The following NRG3 variants were observed in gnomAD, a reference collection of about 807,000 sequenced individuals.
NRG3 encodes the protein neuregulin 3.
In NRG3, 31 loss-of-function variants were observed where a neutral mutation model predicts 66.9. That is an observed-to-expected ratio of 0.46 (90% CI 0.35 to 0.63). The LOEUF (loss-of-function observed/expected upper bound fraction) is 0.63, where lower values mean the gene tolerates loss of function less well. Among genes scored for constraint, NRG3 ranks in the 20% least tolerant of loss-of-function variants. The pLI, the probability that NRG3 is intolerant of heterozygous loss-of-function variation, is 0.00. For synonymous variants in NRG3, 393 were observed against 359.4 expected, an observed-to-expected ratio of 1.09 and a Z score of -1.06; for missense variants, 910 against 878.9, an observed-to-expected ratio of 1.04 and a Z score of -0.45.
intron 3 of NRG3, among the ~76,000 whole-genome samples, chr10:82,838,034 T>C (rs1163792217): frequency 6.6e-6 from 1 of 152,154 alleles, no homozygotes; most frequent in African/African-American, 2.4e-5. Context: ...GATGCTTAAT[T>C]TGAAAGAGTT....
chr10:82,194,821 C>T (rs866794897), intron 1 of NRG3, among the ~76,000 whole-genome samples: 3 of 152,050 alleles, frequency 2.0e-5, no homozygotes, highest in Admixed American at 6.5e-5. Flanking sequence ...AGGCCGCTTG[C>T]GAAAGACCTC....
chr10:82,098,443 C>T (rs2066513727), intron 1 of NRG3, among the ~76,000 whole-genome samples: 1 of 152,132 alleles, frequency 6.6e-6, no homozygotes, highest in South Asian at 2.1e-4. Context: ...AGAGCAGCAT[C>T]TTAGTGCTGC....
chr10:82,847,004 A>C (rs1487769572), intron 3 of NRG3, among the ~76,000 whole-genome samples: 2 of 152,180 alleles, frequency 1.3e-5, no homozygotes, highest in Non-Finnish European at 2.9e-5. Context: ...GAGGTGTAGG[A>C]GTCTGGGGCT....
rs60100337 is a variant in NRG3, at chr10:82,952,471, C to CTGTGTGTG, written c.1157+942_1157+949dup. 1.3e-3 allele frequency among the ~76,000 whole-genome samples: 129 copies of CTGTGTGTG among 98,846 alleles called. 4 individuals carry two copies. Among genetic ancestry groups the CTGTGTGTG allele is most frequent in the African/African-American group, 3.4e-3 (83 of 24,142 alleles). 64.8% of individuals were successfully genotyped at this position (98,846 alleles called of 152,430 possible). A position where few individuals can be genotyped will look rare whatever the true frequency, so the allele number is the denominator to read the frequency against. On this transcript the variant is annotated intron_variant, in intron 5 of 8. Coordinates refer to ENST00000372141, the MANE Select transcript of NRG3 (RefSeq NM_001010848.4). ...TATAAACGTCTCTCTCTCTCTCTCT[C>CTGTGTGTG]TGTGTGTGTGTGTGTGTGTGTGTGT...
intron 2 of NRG3, among the ~76,000 whole-genome samples, chr10:82,501,032 A>C (rs1844130703): frequency 6.6e-6 from 1 of 152,118 alleles, no homozygotes; most frequent in Non-Finnish European, 1.5e-5. Context: ...AAAATTAATA[A>C]ATTTAATTTG....
intron 1 of NRG3, among the ~76,000 whole-genome samples, chr10:82,045,760 A>G (rs865835663): frequency 0.026 from 1,178 of 44,680 alleles, 110 homozygotes; most frequent in African/African-American, 0.081. Context: ...TGTAAAGAAG[A>G]GATCCAGTTT....
rs546037182 is a variant in NRG3, at chr10:82,314,797, G to T, written c.824-43942G>T. ...TGCACTCCAGCCTGGGTGACAGAGCGAGAGTCCGTCTCAAAACAAATAAAC... is the reference window on the plus strand; with the variant it reads ...TGCACTCCAGCCTGGGTGACAGAGCTAGAGTCCGTCTCAAAACAAATAAAC... On this transcript the variant is annotated intron_variant, in intron 1 of 8. Coordinates refer to ENST00000372141, the MANE Select transcript of NRG3 (RefSeq NM_001010848.4). 3.3e-5 allele frequency among the ~76,000 whole-genome samples: 5 copies of T among 152,230 alleles called. No homozygotes were observed. The East Asian group carries it at 7.8e-4, about 24-fold the overall frequency.
chr10:82,408,233 A>C (rs909367983), intron 2 of NRG3, among the ~76,000 whole-genome samples: 2 of 152,216 alleles, frequency 1.3e-5, no homozygotes, highest in African/African-American at 4.8e-5. Flanking sequence ...CAGGTACTTA[A>C]AGTGGTCAGA....
At chr10:82,661,642 T>A (rs1412195988) in intron 2 of NRG3, among the ~76,000 whole-genome samples, 1 of 152,172 alleles carries the variant, frequency 6.6e-6, no homozygotes, top group East Asian at 1.9e-4. Flanking sequence ...TGCACGCCTG[T>A]GTGCTGTTGG....
At chr10:81,941,718 G>T (rs779516960) in intron 1 of NRG3, among the ~76,000 whole-genome samples, 1 of 152,074 alleles carries the variant, frequency 6.6e-6, no homozygotes, top group South Asian at 2.1e-4. Context: ...AGTGTTCTCC[G>T]CAGTTCTGGG....
intron 4 of NRG3, among the ~76,000 whole-genome samples, chr10:82,917,754 T>C (rs186681450): frequency 6.6e-6 from 1 of 152,112 alleles, no homozygotes; most frequent in East Asian, 1.9e-4. Context: ...GTCTTGGAGC[T>C]AGGAGCTTGG....
intron 1 of NRG3, among the ~76,000 whole-genome samples, chr10:82,192,595 C>CT (rs1270735235): frequency 6.6e-6 from 1 of 152,184 alleles, no homozygotes; most frequent in African/African-American, 2.4e-5. Context: ...AGGCACATGA[C>CT]TTTGCCATCC....
At chr10:82,134,760 A>G (rs893071138) in intron 1 of NRG3, among the ~76,000 whole-genome samples, 8 of 152,010 alleles carry the variant, frequency 5.3e-5, no homozygotes, top group African/African-American at 1.4e-4. Flanking sequence ...TTGGTTCCAT[A>G]TGAATTTTAA....
chr10:82,617,469 G>A (rs190518375), intron 2 of NRG3, among the ~76,000 whole-genome samples: 33 of 152,284 alleles, frequency 2.2e-4, no homozygotes, highest in East Asian at 7.8e-4. Context: ...GAGTTTGTGA[G>A]GAAGGGGAAG....
intron 1 of NRG3, among the ~76,000 whole-genome samples, chr10:81,919,730 G>T (rs73306508): frequency 0.015 from 2,206 of 152,074 alleles, 41 homozygotes; most frequent in African/African-American, 0.048. Flanking sequence ...CAAAACCAAG[G>T]CAAATGAAGC....
intron 1 of NRG3, among the ~76,000 whole-genome samples, chr10:82,228,668 A>G (rs528081035): frequency 4.6e-5 from 7 of 152,224 alleles, no homozygotes; most frequent in Non-Finnish European, 1.0e-4. Context: ...ATGATGATAC[A>G]GCCCCCTTTC....
chr10:82,048,601 T>A (rs2133101501), intron 1 of NRG3, among the ~76,000 whole-genome samples: 1 of 149,236 alleles, frequency 6.7e-6, no homozygotes, highest in South Asian at 2.2e-4. Context: ...TTCAAAGCAG[T>A]GTGTAGAGGG....
At chr10:82,032,982 A>G (rs1024568186) in intron 1 of NRG3, among the ~76,000 whole-genome samples, 2 of 152,116 alleles carry the variant, frequency 1.3e-5, no homozygotes, top group Non-Finnish European at 2.9e-5. Context: ...TCATGCTGAT[A>G]TAAAATGAAC....
At chr10:82,590,010 C>A (rs1046113089) in intron 2 of NRG3, among the ~76,000 whole-genome samples, 1 of 152,090 alleles carries the variant, frequency 6.6e-6, no homozygotes, top group Non-Finnish European at 1.5e-5. Flanking sequence ...TTATTTCAAC[C>A]TCCCACCCAT....
Sources: gnomAD v4.1 joint callset for allele counts (sites outside exome capture counted in the v4.1 genomes callset) on GRCh38, gnomAD v4.1.1 for gene constraint, MANE v1.5 for transcripts, NCBI Gene and HGNC (gene_info 2026-07-23, HGNC 2026-07-21) for gene names.